The following CCSER1 variants were observed in gnomAD, a reference collection of about 807,000 sequenced individuals.
The protein encoded by CCSER1 is coiled-coil serine rich protein 1.
CCSER1 carries 41 observed loss-of-function variants against 82.0 expected under a neutral mutation model. The ratio of observed to expected loss-of-function variants is 0.50; its 90% CI spans 0.39 to 0.65. CCSER1 has a LOEUF of 0.65. CCSER1 is among the 30% of genes least tolerant of loss of function. The pLI is 0.00. For missense variants in CCSER1, 1,119 were observed against 1,064.2 expected, an observed-to-expected ratio of 1.05 and a Z score of -0.72; for synonymous variants, 414 against 383.9, an observed-to-expected ratio of 1.08 and a Z score of -0.92.
chr4:91,330,367 G>T (rs1454372502), intron 10 of CCSER1, among the ~76,000 whole-genome samples: 2 of 152,106 alleles, frequency 1.3e-5, no homozygotes, highest in Non-Finnish European at 2.9e-5. Context: ...TCAAGTCATG[G>T]TGCTTCAAGT....
chr4:91,339,984 G>GCA (rs1408875614), intron 10 of CCSER1, among the ~76,000 whole-genome samples: 39 of 151,966 alleles, frequency 2.6e-4, no homozygotes, highest in African/African-American at 9.2e-4. Context: ...AGGAGTGGTG[G>GCA]CACGCACCTG....
At chr4:91,355,970 G>T (rs951432535) in intron 10 of CCSER1, among the ~76,000 whole-genome samples, 33 of 152,346 alleles carry the variant, frequency 2.2e-4, no homozygotes, top group African/African-American at 7.2e-4. Context: ...GCAAGCTTTG[G>T]TATCTAGTTA....
At chr4:90,959,082 T>A (rs1733803573) in intron 9 of CCSER1, among the ~76,000 whole-genome samples, 1 of 152,150 alleles carries the variant, frequency 6.6e-6, no homozygotes, top group South Asian at 2.1e-4. Flanking sequence ...CAGAGAATGT[T>A]AGAATAAGAT....
intron 8 of CCSER1, among the ~76,000 whole-genome samples, chr4:90,819,940 G>A (rs891554230): frequency 2.0e-5 from 3 of 152,180 alleles, no homozygotes; most frequent in South Asian, 2.1e-4. Flanking sequence ...TGGAGAAAAC[G>A]AGACATACAT....
At chr4:90,216,603 T>C (rs1270506699) in intron 1 of CCSER1, among the ~76,000 whole-genome samples, 1 of 152,186 alleles carries the variant, frequency 6.6e-6, no homozygotes, top group Non-Finnish European at 1.5e-5. Context: ...TGTTTCTGGG[T>C]TCTCTAGTCT....
intron 5 of CCSER1, among the ~76,000 whole-genome samples, chr4:90,482,672 T>C (rs1766242280): frequency 6.6e-6 from 1 of 152,202 alleles, no homozygotes; most frequent in Non-Finnish European, 1.5e-5. Flanking sequence ...TTCCATGTAG[T>C]TGAGCGGTTT....
intron 7 of CCSER1, among the ~76,000 whole-genome samples, chr4:90,759,601 T>C (rs1397186587): frequency 6.6e-6 from 1 of 152,180 alleles, no homozygotes; most frequent in Non-Finnish European, 1.5e-5. Flanking sequence ...CCAAGTCGTG[T>C]CTCTGAACTT....
intron 5 of CCSER1, among the ~76,000 whole-genome samples, chr4:90,560,495 A>G (rs781502360): frequency 6.6e-6 from 1 of 152,054 alleles, no homozygotes; most frequent in Non-Finnish European, 1.5e-5. Flanking sequence ...AAAATGTATT[A>G]ATGTTTTTAT....
In CCSER1 at chr4:91,604,475, T is replaced by TC. The variant is rs1764902426; in HGVS notation, c.*5419dup. 1 of 152,122 alleles carries TC rather than the reference T, an allele frequency of 6.6e-6. No homozygotes were observed. The highest frequency in any genetic ancestry group is 2.4e-5 in the African/African-American group (1 of 41,454). The allele number at this position is 152,122 out of a possible 1,614,324, so 9.4% of individuals were successfully genotyped here. ...GGTTACCTCCCAGAAAAACTGACAT[T>TC]CTAATTTTCTTCTCTTGAAAGCAAT... On this transcript the variant is annotated 3_prime_UTR_variant, in exon 11 of 11. Coordinates refer to ENST00000509176, the MANE Select transcript of CCSER1 (RefSeq NM_001145065.2).
intron 10 of CCSER1, among the ~76,000 whole-genome samples, chr4:91,393,601 G>T (rs1578349177): frequency 6.6e-6 from 1 of 152,054 alleles, no homozygotes; most frequent in Non-Finnish European, 1.5e-5. Flanking sequence ...GTTAATTTGT[G>T]TTGGTAAAAT....
At chr4:90,399,521 A>G (rs1752508674) in intron 3 of CCSER1, among the ~76,000 whole-genome samples, 1 of 152,138 alleles carries the variant, frequency 6.6e-6, no homozygotes, top group African/African-American at 2.4e-5. Flanking sequence ...ACAATTCATT[A>G]AATGTGTTAG....
At chr4:91,426,127 C>T (rs1054872699) in intron 10 of CCSER1, among the ~76,000 whole-genome samples, 4 of 152,018 alleles carry the variant, frequency 2.6e-5, no homozygotes, top group African/African-American at 9.7e-5. Flanking sequence ...TATGAGTGAG[C>T]ACATGCGGTG....
At chr4:91,176,091 C>G (rs1581711199) in intron 10 of CCSER1, among the ~76,000 whole-genome samples, 1 of 152,206 alleles carries the variant, frequency 6.6e-6, no homozygotes, top group South Asian at 2.1e-4. Context: ...AATCCTTTCC[C>G]CATTTCTGAT....
chr4:91,143,734 A>G (rs905135119), intron 10 of CCSER1, among the ~76,000 whole-genome samples: 4 of 151,916 alleles, frequency 2.6e-5, no homozygotes, highest in East Asian at 3.9e-4. Context: ...TGAGATTATC[A>G]TATGGTTTTT....
chr4:91,468,622 G>A (rs1757078502), intron 10 of CCSER1, among the ~76,000 whole-genome samples: 1 of 151,776 alleles, frequency 6.6e-6, no homozygotes, highest in South Asian at 2.1e-4. Context: ...AAATAAGGAT[G>A]ATTTTTTGCA....
chr4:91,600,483 T>G lies in CCSER1; in HGVS notation c.*1426T>G, dbSNP rs1764778608. The G allele has an allele frequency of 6.6e-6, 1 of 152,148 alleles. No homozygotes were observed. The highest frequency in any genetic ancestry group is 6.6e-5 in the Admixed American group (1 of 15,248). The allele number at this position is 152,148 out of a possible 1,614,324, so 9.4% of individuals were successfully genotyped here. On this transcript the variant is annotated 3_prime_UTR_variant, in exon 11 of 11. Transcript: ENST00000509176. ...CTGCATGATCTGTTTCCCTTGCATTTTCTAACAGAATCTGTCAGCGTGCAC... is the reference window on the plus strand; with the variant it reads ...CTGCATGATCTGTTTCCCTTGCATTGTCTAACAGAATCTGTCAGCGTGCAC...
intron 7 of CCSER1, among the ~76,000 whole-genome samples, chr4:90,774,242 A>C (rs956730827): frequency 6.6e-6 from 1 of 152,142 alleles, no homozygotes; most frequent in African/African-American, 2.4e-5. Context: ...AGCATGGTAA[A>C]TTCCTGTGAA....
At chr4:91,460,351 G>T (rs896184465) in intron 10 of CCSER1, among the ~76,000 whole-genome samples, 2 of 152,072 alleles carry the variant, frequency 1.3e-5, no homozygotes, top group African/African-American at 2.4e-5. Context: ...AGAGGTAAGA[G>T]AAAATAATGC....
At chr4:91,275,581 G>T (rs192156070) in intron 10 of CCSER1, among the ~76,000 whole-genome samples, 11 of 152,132 alleles carry the variant, frequency 7.2e-5, no homozygotes, top group Admixed American at 6.5e-4. Flanking sequence ...TTAGTTTCTT[G>T]TTTGATGAAT....
Sources: allele counts gnomAD v4.1 joint callset (sites outside exome capture counted in the v4.1 genomes callset), GRCh38; gene constraint gnomAD v4.1.1; transcripts MANE v1.5; gene names NCBI Gene and HGNC (gene_info 2026-07-23, HGNC 2026-07-21).